The following SESN1 variants were observed in gnomAD, a reference collection of about 807,000 sequenced individuals.
SESN1 encodes sestrin 1, also known as sestrin-1.
Under a neutral mutation model 59.3 loss-of-function variants are expected in SESN1, and 30 were observed. The ratio of observed to expected loss-of-function variants is 0.51; its 90% CI spans 0.38 to 0.69. The LOEUF (loss-of-function observed/expected upper bound fraction) is 0.69, where lower values mean the gene tolerates loss of function less well. SESN1 is among the 30% of genes least tolerant of loss of function. The pLI, the probability that SESN1 is intolerant of heterozygous loss-of-function variation, is 0.00. For synonymous variants in SESN1, 197 were observed against 219.9 expected (o/e 0.90, Z 0.92); for missense variants, 566 against 673.0 (o/e 0.84, Z 1.76).
At chr6:109,070,674 C>A (rs778065137) in intron 1 of SESN1, among the ~76,000 whole-genome samples, 2 of 152,166 alleles carry the variant, frequency 1.3e-5, no homozygotes, top group Non-Finnish European at 2.9e-5. Flanking sequence ...CACTTTAAAT[C>A]AAAAATCTGA....
intron 4 of SESN1, chr6:108,999,246 C>T (rs969480893): frequency 6.6e-6 from 1 of 152,560 alleles, no homozygotes; most frequent in African/African-American, 2.4e-5. Flanking sequence ...TATATAACTT[C>T]TATAATTCTT....
intron 1 of SESN1, among the ~76,000 whole-genome samples, chr6:109,045,534 A>C (rs1780415252): frequency 6.6e-6 from 1 of 152,246 alleles, no homozygotes; most frequent in Non-Finnish European, 1.5e-5. Flanking sequence ...TTCTTCAAAC[A>C]CAGTAAATCT....
In SESN1 at chr6:108,987,406, T is replaced by C. The variant is rs1007843066; in HGVS notation, c.*138A>G. 3.7e-6 allele frequency: 2 copies of C among 540,468 alleles called. No homozygotes were observed. Among genetic ancestry groups the C allele is most frequent in the Non-Finnish European group, 6.6e-6 (2 of 302,776 alleles). The allele number at this position is 540,468 out of a possible 1,614,324, so 33.5% of individuals were successfully genotyped here. A position where few individuals can be genotyped will look rare whatever the true frequency, so the allele number is the denominator to read the frequency against. On this transcript the variant is annotated 3_prime_UTR_variant, in exon 10 of 10. Transcript: ENST00000436639. ...CCAGCAGTGGTTTTCCACAGAAAAA[T>C]AGCAGAAACTAAAGGAATCATGGCA... is the stretch of plus-strand genomic sequence containing the variant.
At chr6:109,002,807 G>A (rs545421443) in intron 1 of SESN1, among the ~76,000 whole-genome samples, 19 of 152,248 alleles carry the variant, frequency 1.2e-4, no homozygotes, top group South Asian at 1.0e-3. Context: ...AACACCTCAC[G>A]GTTAGAATGT....
At chr6:109,091,625 A>G (rs1258330316) in intron 1 of SESN1, among the ~76,000 whole-genome samples, 1 of 152,206 alleles carries the variant, frequency 6.6e-6, no homozygotes, top group African/African-American at 2.4e-5. Context: ...TTATTCATTT[A>G]TCATGTCTCT....
intron 5 of SESN1, among the ~76,000 whole-genome samples, chr6:108,996,900 A>T (rs554080274): frequency 6.6e-6 from 1 of 152,228 alleles, no homozygotes; most frequent in Non-Finnish European, 1.5e-5. Flanking sequence ...ACATGGAAGA[A>T]ATTTAAATGT....
intron 1 of SESN1, among the ~76,000 whole-genome samples, chr6:109,065,308 T>C (rs990766460): frequency 6.6e-6 from 1 of 152,210 alleles, no homozygotes; most frequent in African/African-American, 2.4e-5. Flanking sequence ...CTCAGATTTA[T>C]AAGAATAACT....
chr6:109,006,195 T>G (rs995067377), intron 1 of SESN1, among the ~76,000 whole-genome samples: 3 of 152,198 alleles, frequency 2.0e-5, no homozygotes, highest in Admixed American at 2.0e-4. Context: ...TTCTACAATA[T>G]TCATGAAAAA....
chr6:109,094,335 T>C lies in SESN1; in HGVS notation c.-262A>G, dbSNP rs2114492201. The C allele has an allele frequency of 4.2e-6, 2 of 478,428 alleles. No individual in the cohort carries two copies. The highest frequency in any genetic ancestry group is 5.1e-5 in the South Asian group (2 of 38,988). 29.6% of individuals were successfully genotyped at this position (478,428 alleles called of 1,614,324 possible). Reference sequence around the variant, plus strand: ...TTTGAAAGTTGCAACCTTGCAGCGCTGGCTTTGGTGGGCAGAGAATTTCGG... The same window carrying C: ...TTTGAAAGTTGCAACCTTGCAGCGCCGGCTTTGGTGGGCAGAGAATTTCGG... On this transcript the variant is annotated 5_prime_UTR_variant, in exon 1 of 10. Transcript: ENST00000436639.
intron 1 of SESN1, among the ~76,000 whole-genome samples, chr6:109,064,282 T>C (rs1372569419): frequency 6.6e-6 from 1 of 151,704 alleles, no homozygotes; most frequent in Non-Finnish European, 1.5e-5. Flanking sequence ...TAAATAAAGG[T>C]TTATAGATGA....
At chr6:109,070,043 C>A (rs1266166002) in intron 1 of SESN1, among the ~76,000 whole-genome samples, 2 of 152,192 alleles carry the variant, frequency 1.3e-5, no homozygotes, top group African/African-American at 4.8e-5. Flanking sequence ...TGTACCTATC[C>A]ATGCCCCACA....
chr6:108,993,834 C>T (rs1159270355), intron 6 of SESN1, among the ~76,000 whole-genome samples: 2 of 152,028 alleles, frequency 1.3e-5, no homozygotes, highest in Non-Finnish European at 2.9e-5. Context: ...TCCACCTCAG[C>T]TTCTTGAGTA....
At chr6:109,087,000 C>T (rs895932251) in intron 1 of SESN1, among the ~76,000 whole-genome samples, 4 of 152,076 alleles carry the variant, frequency 2.6e-5, no homozygotes, top group Admixed American at 6.5e-5. Context: ...GGCGTGGTGG[C>T]GCCCACCTGT....
chr6:109,055,205 G>T (rs1780608921), intron 1 of SESN1, among the ~76,000 whole-genome samples: 1 of 152,072 alleles, frequency 6.6e-6, no homozygotes, highest in Non-Finnish European at 1.5e-5. Context: ...GGATAACCCT[G>T]GTCCTTATCT....
chr6:109,009,136 T>A (rs942478895), intron 1 of SESN1: 21 of 686,116 alleles, frequency 3.1e-5, no homozygotes, highest in Non-Finnish European at 4.3e-5. Context: ...CGACTCACGG[T>A]GCGCAGGTCT....
At chr6:109,055,661 CAAAA>C (rs577017689) in intron 1 of SESN1, among the ~76,000 whole-genome samples, 2 of 51,286 alleles carry the variant, frequency 3.9e-5, no homozygotes, top group African/African-American at 1.1e-4. Flanking sequence ...GACTCCACCT[CAAAA>C]AAAAAAAAAA....
chr6:109,061,153 G>A (rs1780724409), intron 1 of SESN1, among the ~76,000 whole-genome samples: 1 of 151,864 alleles, frequency 6.6e-6, no homozygotes, highest in Admixed American at 6.6e-5. Flanking sequence ...TAAAATTAAA[G>A]CAACAATAAG....
chr6:109,070,412 C>T (rs992237386), intron 1 of SESN1, among the ~76,000 whole-genome samples: 4 of 150,820 alleles, frequency 2.7e-5, no homozygotes, highest in Non-Finnish European at 5.9e-5. Flanking sequence ...CAACCTTAGG[C>T]TCAGAAAGTG....
chr6:109,079,967 T>C (rs982329341), intron 1 of SESN1, among the ~76,000 whole-genome samples: 2 of 152,232 alleles, frequency 1.3e-5, no homozygotes, highest in Non-Finnish European at 2.9e-5. Context: ...TCTTTTTAGC[T>C]ATAAACAACT....
Sources: allele counts gnomAD v4.1 joint callset (sites outside exome capture counted in the v4.1 genomes callset), GRCh38; gene constraint gnomAD v4.1.1; transcripts MANE v1.5; gene names NCBI Gene and HGNC (gene_info 2026-07-23, HGNC 2026-07-21).